PEPD: variants seen among roughly 807,000 people sequenced by gnomAD.
PEPD encodes the protein xaa-Pro dipeptidase.
PEPD carries 53 observed loss-of-function variants against 60.7 expected under a neutral mutation model. The ratio of observed to expected loss-of-function variants is 0.87; its 90% CI spans 0.70 to 1.10. The LOEUF (loss-of-function observed/expected upper bound fraction) is 1.10, where lower values mean the gene tolerates loss of function less well. Ranked by LOEUF, PEPD falls within the 50% of genes least tolerant of loss-of-function variation. The pLI is 0.00. For synonymous variants in PEPD, 267 were observed against 284.1 expected (o/e 0.94, Z 0.60); for missense variants, 711 against 711.9 (o/e 1.00, Z 0.01).
At chr19:33,490,349 C>T (rs1201615082) in intron 5 of PEPD, among the ~76,000 whole-genome samples, 1 of 152,250 alleles carries the variant, frequency 6.6e-6, no homozygotes, top group Non-Finnish European at 1.5e-5. Flanking sequence ...CTGAAACCAG[C>T]CAGGCTGCCC....
At chr19:33,499,916 T>A (rs1376898172) in intron 4 of PEPD, among the ~76,000 whole-genome samples, 1 of 152,184 alleles carries the variant, frequency 6.6e-6, no homozygotes, top group Non-Finnish European at 1.5e-5. Flanking sequence ...CTGGCCATGA[T>A]CCCTGGGAAC....
intron 12 of PEPD, among the ~76,000 whole-genome samples, chr19:33,400,478 G>A (rs1221060362): frequency 2.0e-5 from 3 of 152,252 alleles, no homozygotes; most frequent in African/African-American, 4.8e-5. Context: ...CAGAACCTGC[G>A]TGCCTTGGGG....
chr19:33,401,657 TGC>T lies in PEPD; in HGVS notation c.967+62_967+63del, dbSNP rs1370750088. On this transcript the variant is annotated intron_variant, in intron 12 of 14. Transcript: ENST00000244137. Reference sequence around the variant, plus strand: ...TGCAGACCCGTTCCCTGCAGGCACCTGCCACATAGCAGCGCCCCCAACGCCAC... The same window carrying T: ...TGCAGACCCGTTCCCTGCAGGCACCTCACATAGCAGCGCCCCCAACGCCAC... The T allele has an allele frequency of 3.4e-6, 5 of 1,484,786 alleles. No homozygotes were observed. In the African/African-American group the frequency reaches 7.0e-5, roughly 21 times the overall value. 92.0% of individuals were successfully genotyped at this position (1,484,786 alleles called of 1,614,324 possible). A position where few individuals can be genotyped will look rare whatever the true frequency, so the allele number is the denominator to read the frequency against.
At chr19:33,501,362 A>G (rs1970710314) in intron 3 of PEPD, among the ~76,000 whole-genome samples, 1 of 152,104 alleles carries the variant, frequency 6.6e-6, no homozygotes, top group Admixed American at 6.6e-5. Context: ...GCATAAAACA[A>G]TCTGCCTGCC....
chr19:33,502,504 T>C (rs1300469884), intron 3 of PEPD, among the ~76,000 whole-genome samples: 1 of 152,120 alleles, frequency 6.6e-6, no homozygotes, highest in Admixed American at 6.5e-5. Flanking sequence ...CAGAGGCTGC[T>C]CCCTTTGCAA....
intron 1 of PEPD, among the ~76,000 whole-genome samples, chr19:33,515,107 G>C (rs949399928): frequency 1.3e-5 from 2 of 152,160 alleles, no homozygotes; most frequent in Non-Finnish European, 2.9e-5. Context: ...AGGTTGCCTC[G>C]GTCACTGCCG....
intron 7 of PEPD, among the ~76,000 whole-genome samples, chr19:33,471,892 T>C (rs1970127067): frequency 6.6e-6 from 1 of 152,162 alleles, no homozygotes; most frequent in African/African-American, 2.4e-5. Flanking sequence ...CCAGGCACAG[T>C]GGCTCATGCC....
intron 7 of PEPD, among the ~76,000 whole-genome samples, chr19:33,468,994 C>T (rs1970072619): frequency 6.6e-6 from 1 of 152,156 alleles, no homozygotes; most frequent in African/African-American, 2.4e-5. Context: ...CACTTGTGGT[C>T]CCTCAGGTGT....
intron 9 of PEPD, among the ~76,000 whole-genome samples, chr19:33,453,114 G>C (rs1969727189): frequency 6.6e-6 from 1 of 152,080 alleles, no homozygotes; most frequent in Non-Finnish European, 1.5e-5. Flanking sequence ...TTGAGTCCAG[G>C]AGTTGGAGAG....
chr19:33,448,686 C>A (rs1969638627), intron 9 of PEPD, among the ~76,000 whole-genome samples: 1 of 152,024 alleles, frequency 6.6e-6, no homozygotes, highest in African/African-American at 2.4e-5. Flanking sequence ...GGCTTCAGTG[C>A]TCGGGGAGGT....
intron 1 of PEPD, among the ~76,000 whole-genome samples, chr19:33,520,811 C>T (rs954583430): frequency 6.6e-6 from 1 of 150,846 alleles, no homozygotes; most frequent in Admixed American, 6.6e-5. Context: ...ACCACCAGAC[C>T]CACACCTTCT....
intron 9 of PEPD, among the ~76,000 whole-genome samples, chr19:33,461,427 C>T (rs1012406607): frequency 1.3e-5 from 2 of 152,202 alleles, no homozygotes; most frequent in East Asian, 1.9e-4. Flanking sequence ...TGGGCAGGGT[C>T]GGGCTCTGGG....
intron 11 of PEPD, among the ~76,000 whole-genome samples, chr19:33,410,149 G>A (rs1968729781): frequency 6.6e-6 from 1 of 152,222 alleles, no homozygotes; most frequent in Admixed American, 6.5e-5. Flanking sequence ...GCGCGCAGTG[G>A]GTGGCGGTTC....
intron 7 of PEPD, among the ~76,000 whole-genome samples, chr19:33,474,788 C>T (rs1002030262): frequency 3.9e-5 from 6 of 152,134 alleles, no homozygotes; most frequent in African/African-American, 1.4e-4. Context: ...CGAGGCCAGC[C>T]TGGGCAACAC....
At chr19:33,434,848 G>A (rs73588255) in intron 9 of PEPD, among the ~76,000 whole-genome samples, 1,799 of 151,814 alleles carry the variant, frequency 0.012, 37 homozygotes, top group African/African-American at 0.04. Context: ...AGCCCTCCTC[G>A]GTCCCTGACC....
At chr19:33,450,443 T>C (rs978083379) in intron 9 of PEPD, among the ~76,000 whole-genome samples, 1 of 152,214 alleles carries the variant, frequency 6.6e-6, no homozygotes, top group Non-Finnish European at 1.5e-5. Context: ...GAATATGATT[T>C]GCTAAAGATC....
intron 3 of PEPD, 76 bp from the exon 4 acceptor site, chr19:33,501,077 GC>G: frequency 1.1e-6 from 1 of 896,644 alleles, no homozygotes; most frequent in Non-Finnish European, 1.9e-6. Flanking sequence ...TGCCTGCCAA[GC>G]CCAGGCCATG....
intron 13 of PEPD, among the ~76,000 whole-genome samples, chr19:33,390,762 A>T (rs907040258): frequency 7.2e-5 from 11 of 152,242 alleles, no homozygotes; most frequent in Admixed American, 2.0e-4. Context: ...ATGCCTGGGG[A>T]TGAGGAGGCT....
chr19:33,436,939 A>T (rs989465789), intron 9 of PEPD, among the ~76,000 whole-genome samples: 3 of 152,212 alleles, frequency 2.0e-5, no homozygotes, highest in Non-Finnish European at 4.4e-5. Flanking sequence ...CAAGAGCGTT[A>T]AAGTCCGATG....
Sources: allele counts gnomAD v4.1 joint callset (sites outside exome capture counted in the v4.1 genomes callset), GRCh38; gene constraint gnomAD v4.1.1; transcripts MANE v1.5; gene names NCBI Gene and HGNC (gene_info 2026-07-23, HGNC 2026-07-21).